NIBAN1: variants seen among roughly 807,000 people sequenced by gnomAD.
NIBAN1 encodes the protein protein Niban 1.
NIBAN1 carries 81 observed loss-of-function variants against 75.1 expected under a neutral mutation model. The ratio of observed to expected loss-of-function variants is 1.08; its 90% confidence interval spans 0.90 to 1.30. The LOEUF (loss-of-function observed/expected upper bound fraction) is 1.30, where lower values mean the gene tolerates loss of function less well. NIBAN1 is among the 50% of genes most tolerant of loss of function. The pLI is 0.00. For synonymous variants in NIBAN1, 436 were observed against 424.8 expected (o/e 1.03, Z -0.32); for missense variants, 1,133 against 1,128.1 (o/e 1.00, Z -0.06).
chr1:184,913,964 T>C lies in NIBAN1; in HGVS notation c.56-14655A>G, dbSNP rs184822042. Among the ~76,000 whole-genome samples, 8 of 152,336 alleles carry C rather than the reference T, an allele frequency of 5.3e-5. No individual in the cohort carries two copies. In the East Asian group the frequency reaches 1.4e-3, roughly 26 times the overall value. ...CCCAAATATGGTACCATTAATGGTTTATACTAAGCCATTCTCAGAGGCCCA... is the reference window on the plus strand; with the variant it reads ...CCCAAATATGGTACCATTAATGGTTCATACTAAGCCATTCTCAGAGGCCCA... On this transcript the variant is annotated intron_variant, in intron 1 of 13. Transcript: ENST00000367511.
chr1:184,824,651 A>G (rs1654796337), intron 6 of NIBAN1, among the ~76,000 whole-genome samples: 1 of 152,228 alleles, frequency 6.6e-6, no homozygotes, highest in South Asian at 2.1e-4. Context: ...TGCGTTTTTG[A>G]TAACTGTGTA....
chr1:184,858,713 A>C (rs1437014399), intron 5 of NIBAN1, among the ~76,000 whole-genome samples: 1 of 152,224 alleles, frequency 6.6e-6, no homozygotes, highest in Non-Finnish European at 1.5e-5. Context: ...AGAAATAAGA[A>C]CATGAGGATA....
chr1:184,924,329 G>A (rs1286990448), intron 1 of NIBAN1, among the ~76,000 whole-genome samples: 1 of 152,112 alleles, frequency 6.6e-6, no homozygotes, highest in Non-Finnish European at 1.5e-5. Flanking sequence ...TAATTCTGTT[G>A]ATATGATGTA....
At chr1:184,952,427 A>T (rs1571600295) in intron 1 of NIBAN1, among the ~76,000 whole-genome samples, 2 of 152,256 alleles carry the variant, frequency 1.3e-5, no homozygotes, top group South Asian at 2.1e-4. Context: ...AAAGAAATAG[A>T]TGTGTTCCAT....
chr1:184,882,563 C>T (rs1656403948), intron 5 of NIBAN1, among the ~76,000 whole-genome samples: 1 of 152,180 alleles, frequency 6.6e-6, no homozygotes, highest in African/African-American at 2.4e-5. Flanking sequence ...ATGACTAGAC[C>T]TCATTATCTT....
chr1:184,971,922 A>G (rs1658947282), intron 1 of NIBAN1, among the ~76,000 whole-genome samples: 1 of 152,234 alleles, frequency 6.6e-6, no homozygotes, highest in Non-Finnish European at 1.5e-5. Context: ...ATATATCTTT[A>G]CCTGAAGATT....
At position 184,835,057 on chromosome 1, in the gene NIBAN1, A is replaced by T. The variant is rs561486895; in HGVS notation, c.602-3095T>A. Among the ~76,000 whole-genome samples, 9 of 152,352 alleles carry T rather than the reference A, an allele frequency of 5.9e-5. No homozygotes were observed. The South Asian group carries it at 1.7e-3, about 28-fold the overall frequency. On this transcript the variant is annotated intron_variant, in intron 5 of 13. Coordinates refer to ENST00000367511, the MANE Select transcript of NIBAN1 (RefSeq NM_052966.4). ...AGGGGATCCAGTTTCAGCTTTCTACATATGGCTAGCCAGTTTTCCCAGCAC... is the reference window on the plus strand; with the variant it reads ...AGGGGATCCAGTTTCAGCTTTCTACTTATGGCTAGCCAGTTTTCCCAGCAC...
chr1:184,837,183 C>T (rs1655165288), intron 5 of NIBAN1, among the ~76,000 whole-genome samples: 1 of 152,200 alleles, frequency 6.6e-6, no homozygotes. Flanking sequence ...GGTTCACAAT[C>T]ACCTACTCTC....
chr1:184,920,810 T>C (rs927593732), intron 1 of NIBAN1, among the ~76,000 whole-genome samples: 2 of 152,210 alleles, frequency 1.3e-5, no homozygotes. Context: ...AGTAAGGCAT[T>C]CTATATTTTA....
chr1:184,973,898 G>C (rs1000953967), intron 1 of NIBAN1, among the ~76,000 whole-genome samples: 10 of 152,240 alleles, frequency 6.6e-5, no homozygotes, highest in African/African-American at 2.4e-4. Context: ...TAGCTGCCGG[G>C]AATCCCCAGG....
At chr1:184,835,025 T>A (rs1644505737) in intron 5 of NIBAN1, among the ~76,000 whole-genome samples, 1 of 152,166 alleles carries the variant, frequency 6.6e-6, no homozygotes, top group African/African-American at 2.4e-5. Context: ...TTCTATAAGG[T>A]GTAAGGAGGG....
intron 11 of NIBAN1, 28 bp from the exon 12 acceptor site, chr1:184,803,720 A>G: frequency 1.3e-6 from 2 of 1,580,006 alleles, no homozygotes; most frequent in Admixed American, 3.3e-5. Context: ...TATGTTAAAT[A>G]GTAACATTAC....
At chr1:184,806,444 T>C (rs1654200670) in intron 10 of NIBAN1, among the ~76,000 whole-genome samples, 1 of 152,166 alleles carries the variant, frequency 6.6e-6, no homozygotes, top group African/African-American at 2.4e-5. Flanking sequence ...TCTCCCTCTC[T>C]CTGCAGGGCT....
intron 8 of NIBAN1, among the ~76,000 whole-genome samples, chr1:184,820,961 G>A (rs890939988): frequency 3.3e-5 from 5 of 152,240 alleles, no homozygotes; most frequent in East Asian, 1.9e-4. Flanking sequence ...CCAGTCCCCC[G>A]ACACTAGACC....
intron 5 of NIBAN1, among the ~76,000 whole-genome samples, chr1:184,836,425 C>A (rs979008485): frequency 1.3e-5 from 2 of 152,206 alleles, no homozygotes; most frequent in African/African-American, 4.8e-5. Context: ...TTACATATTT[C>A]CTCCTCTACT....
At chr1:184,944,913 T>C (rs1658183135) in intron 1 of NIBAN1, among the ~76,000 whole-genome samples, 1 of 152,130 alleles carries the variant, frequency 6.6e-6, no homozygotes, top group Non-Finnish European at 1.5e-5. Context: ...GGTAAAGAAA[T>C]ACCCCTCACC....
chr1:184,974,285 C>G lies in NIBAN1; in HGVS notation c.55+17G>C, dbSNP rs758651693. ...CGGGTCAGGGTGCTCCCCAGGCCCC[C>G]GGGCGGGCGGGCGTACCTCGGATGT... is the stretch of plus-strand genomic sequence containing the variant. On this transcript the variant is annotated intron_variant, in intron 1 of 13. Transcript: ENST00000367511. 6.5e-7 allele frequency: 1 copy of G among 1,550,220 alleles called. No individual in the cohort carries two copies. Among genetic ancestry groups the G allele is most frequent in the Non-Finnish European group, 8.7e-7 (1 of 1,155,268 alleles).
At chr1:184,903,825 C>G (rs1382385590) in intron 1 of NIBAN1, among the ~76,000 whole-genome samples, 1 of 147,798 alleles carries the variant, frequency 6.8e-6, no homozygotes, top group African/African-American at 2.5e-5. Context: ...CAGCCTTGAC[C>G]TCCCAGTCTT....
intron 3 of NIBAN1, among the ~76,000 whole-genome samples, chr1:184,892,569 A>T (rs1168164488): frequency 6.6e-6 from 1 of 152,168 alleles, no homozygotes; most frequent in African/African-American, 2.4e-5. Context: ...AGAAAATATT[A>T]GCTTAATAAA....
Sources: gnomAD v4.1 joint callset for allele counts (sites outside exome capture counted in the v4.1 genomes callset) on GRCh38, gnomAD v4.1.1 for gene constraint, MANE v1.5 for transcripts, NCBI Gene and HGNC (gene_info 2026-07-23, HGNC 2026-07-21) for gene names.